The following KIAA1328 variants were observed in gnomAD, a reference collection of about 807,000 sequenced individuals.
KIAA1328 encodes the protein KIAA1328.
In KIAA1328, 52 loss-of-function variants were observed where a neutral mutation model predicts 68.1. The ratio of observed to expected loss-of-function variants is 0.76; its 90% CI spans 0.61 to 0.96. The LOEUF is 0.96. Ranked by LOEUF, KIAA1328 falls within the 40% of genes least tolerant of loss-of-function variation. The pLI is 0.00. For missense variants in KIAA1328, 641 were observed against 677.6 expected (o/e 0.95, Z 0.60); for synonymous variants, 232 against 239.4 (o/e 0.97, Z 0.28).
chr18:36,858,887 C>T (rs2047466568), intron 4 of KIAA1328, among the ~76,000 whole-genome samples: 1 of 152,148 alleles, frequency 6.6e-6, no homozygotes. Flanking sequence ...TTTATGGTTG[C>T]CTTTTCTTAC....
chr18:37,116,405 T>A (rs2058108006), intron 7 of KIAA1328, among the ~76,000 whole-genome samples: 1 of 152,114 alleles, frequency 6.6e-6, no homozygotes, highest in Middle Eastern at 3.2e-3. Context: ...AAACAAGAAA[T>A]GGGGAAAGGA....
At chr18:36,990,431 T>C (rs1364144915) in intron 6 of KIAA1328, among the ~76,000 whole-genome samples, 1 of 152,068 alleles carries the variant, frequency 6.6e-6, no homozygotes, top group East Asian at 1.9e-4. Context: ...TCCCAACACT[T>C]TGGGAGGCTG....
intron 5 of KIAA1328, among the ~76,000 whole-genome samples, chr18:36,904,438 T>G (rs1329241640): frequency 6.6e-6 from 1 of 152,124 alleles, no homozygotes; most frequent in Non-Finnish European, 1.5e-5. Flanking sequence ...GATTATTATC[T>G]TCTCCTAATG....
chr18:36,836,292 A>C (rs1010129036), intron 3 of KIAA1328, among the ~76,000 whole-genome samples: 2 of 152,204 alleles, frequency 1.3e-5, no homozygotes, highest in Admixed American at 6.5e-5. Context: ...AAAAAAGTTA[A>C]AAAATGTTTT....
intron 7 of KIAA1328, among the ~76,000 whole-genome samples, chr18:37,095,156 T>A (rs2057369852): frequency 6.6e-6 from 1 of 152,192 alleles, no homozygotes; most frequent in Non-Finnish European, 1.5e-5. Context: ...AACACTCCAC[T>A]TTCAGCATTG....
intron 7 of KIAA1328, among the ~76,000 whole-genome samples, chr18:37,142,158 A>T (rs186933603): frequency 1.3e-5 from 2 of 151,408 alleles, no homozygotes; most frequent in South Asian, 2.1e-4. Flanking sequence ...TGTGTGTAGT[A>T]TGAGGTAGGG....
chr18:36,848,579 G>A (rs1368191600), intron 4 of KIAA1328, among the ~76,000 whole-genome samples: 1 of 80,530 alleles, frequency 1.2e-5, no homozygotes, highest in African/African-American at 5.7e-5. Context: ...CTTTTGCATT[G>A]GGTAGTACTT....
intron 6 of KIAA1328, among the ~76,000 whole-genome samples, chr18:37,006,654 G>A (rs1369935798): frequency 6.6e-6 from 1 of 151,988 alleles, no homozygotes; most frequent in Non-Finnish European, 1.5e-5. Context: ...TAGGTATAAT[G>A]CTATCCCTCC....
intron 7 of KIAA1328, among the ~76,000 whole-genome samples, chr18:37,127,712 T>C (rs1468289310): frequency 6.6e-6 from 1 of 152,180 alleles, no homozygotes; most frequent in Non-Finnish European, 1.5e-5. Context: ...GCAAGCTTTT[T>C]ACAGAAATTT....
chr18:36,967,307 G>A (rs975800401), intron 6 of KIAA1328, among the ~76,000 whole-genome samples: 1 of 152,124 alleles, frequency 6.6e-6, no homozygotes, highest in African/African-American at 2.4e-5. Context: ...AAGAAAATAA[G>A]GATTTAAGTC....
At chr18:37,108,163 A>G (rs969945988) in intron 7 of KIAA1328, among the ~76,000 whole-genome samples, 5 of 152,206 alleles carry the variant, frequency 3.3e-5, no homozygotes, top group African/African-American at 1.2e-4. Flanking sequence ...AAAATATGGT[A>G]AATATACACC....
chr18:36,951,957 T>C (rs896223324), intron 5 of KIAA1328, among the ~76,000 whole-genome samples: 1 of 152,170 alleles, frequency 6.6e-6, no homozygotes, highest in African/African-American at 2.4e-5. Flanking sequence ...CTTTATGAAA[T>C]GCAAATTAGC....
At chr18:36,870,907 G>T (rs901354277) in intron 4 of KIAA1328, among the ~76,000 whole-genome samples, 2 of 152,080 alleles carry the variant, frequency 1.3e-5, no homozygotes, top group Non-Finnish European at 2.9e-5. Context: ...ATTCAAATGG[G>T]TGTTAGAATG....
intron 9 of KIAA1328, among the ~76,000 whole-genome samples, chr18:37,178,695 G>A (rs1216427752): frequency 3.9e-5 from 6 of 152,002 alleles, no homozygotes; most frequent in Admixed American, 1.3e-4. Flanking sequence ...TTTACATTCC[G>A]ACCCAATAGT....
At chr18:37,085,786 C>G (rs1315698841) in intron 7 of KIAA1328, among the ~76,000 whole-genome samples, 2 of 151,870 alleles carry the variant, frequency 1.3e-5, no homozygotes, top group African/African-American at 4.8e-5. Flanking sequence ...CTCTCTTTAC[C>G]TTTCTTTCTC....
At chr18:36,959,615 A>G (rs3744904) in intron 6 of KIAA1328, among the ~76,000 whole-genome samples, 180 bp downstream of exon 6, 111,335 of 151,994 alleles carry the variant, frequency 0.73, 43,926 homozygotes, top group South Asian at 0.89. Context: ...CTGTTCCTGG[A>G]CCCAAAGGTA....
chr18:36,995,875 C>T (rs544813355), intron 6 of KIAA1328, among the ~76,000 whole-genome samples: 1 of 152,258 alleles, frequency 6.6e-6, no homozygotes, highest in East Asian at 1.9e-4. Context: ...CCTGTTAGAA[C>T]TCAAAGTAAA....
chr18:37,135,668 T>C (rs1245460164), intron 7 of KIAA1328, among the ~76,000 whole-genome samples: 1 of 152,258 alleles, frequency 6.6e-6, no homozygotes, highest in Non-Finnish European at 1.5e-5. Flanking sequence ...TTTCCTTTGC[T>C]GTGCAGGAGC....
chr18:37,036,040 T>C (rs1253048744), intron 6 of KIAA1328, among the ~76,000 whole-genome samples: 1 of 152,144 alleles, frequency 6.6e-6, no homozygotes, highest in African/African-American at 2.4e-5. Flanking sequence ...TAGAGTCAGA[T>C]TTAGATTTAA....
Sources: allele counts gnomAD v4.1 joint callset (sites outside exome capture counted in the v4.1 genomes callset), GRCh38; gene constraint gnomAD v4.1.1; transcripts MANE v1.5; gene names NCBI Gene and HGNC (gene_info 2026-07-23, HGNC 2026-07-21).